Variants in PDE4D observed in about 807,000 individuals in gnomAD.
The protein encoded by PDE4D is phosphodiesterase 4D.
In PDE4D, 24 loss-of-function variants were observed where a neutral mutation model predicts 87.4. The observed-to-expected ratio is 0.27, with a 90% CI of 0.20 to 0.39. The LOEUF (loss-of-function observed/expected upper bound fraction) is 0.39, where lower values mean the gene tolerates loss of function less well. PDE4D is among the 10% of genes least tolerant of loss of function. The pLI is 1.00. For synonymous variants in PDE4D, 384 were observed against 383.2 expected (o/e 1.00, Z -0.02); for missense variants, 714 against 1,041.0 (o/e 0.69, Z 4.32).
In PDE4D at chr5:59,618,982, T is replaced by C. The variant is rs964407406; in HGVS notation, c.455+274186A>G. 8.5e-5 allele frequency among the ~76,000 whole-genome samples: 13 copies of C among 152,266 alleles called. No individual in the cohort carries two copies. In the East Asian group the frequency reaches 2.5e-3, roughly 29 times the overall value. On this transcript the variant is annotated intron_variant, in intron 1 of 14. Transcript: ENST00000340635. ...CCAGACTGTAAGAAATGAGTTTCTG[T>C]TCATTATAAATTACCCAGTTTTAGG...
intron 1 of PDE4D, among the ~76,000 whole-genome samples, chr5:60,275,310 T>G (rs1344854868): frequency 6.6e-6 from 1 of 152,168 alleles, no homozygotes. Context: ...AACTTAGCTA[T>G]CCTCTAACAC....
intron 1 of PDE4D, among the ~76,000 whole-genome samples, chr5:59,382,295 G>T (rs1190744347): frequency 6.6e-6 from 1 of 151,958 alleles, no homozygotes; most frequent in East Asian, 1.9e-4. Flanking sequence ...CAACCGAATG[G>T]GTGGTGAAAC....
At chr5:59,507,664 C>CAAAAAAAAAA (rs1284106865) in intron 1 of PDE4D, among the ~76,000 whole-genome samples, 8 of 79,660 alleles carry the variant, frequency 1.0e-4, no homozygotes, top group African/African-American at 1.0e-4. Context: ...TACCCTGTCT[C>CAAAAAAAAAA]AAAAAAAAAA....
intron 1 of PDE4D, chr5:60,459,914 CTTCA>C (rs1350112978): frequency 1.4e-6 from 1 of 692,034 alleles, no homozygotes; most frequent in South Asian, 1.7e-5. Context: ...TCACCTTCAT[CTTCA>C]TTGTCTTCTT....
rs974313485 is a variant in PDE4D at position 59,525,228 on chromosome 5, G to T, written c.456-309260C>A. 4.6e-5 allele frequency among the ~76,000 whole-genome samples: 7 copies of T among 152,312 alleles called. No homozygotes were observed. The South Asian group carries it at 1.5e-3, about 32-fold the overall frequency. On this transcript the variant is annotated intron_variant, in intron 1 of 14. Transcript: ENST00000340635. ...GGACTGTACCCTGAAAAACCACAGG[G>T]GTGGAGCTGCCAAAGTGGTGGGGAC...
chr5:60,035,419 A>G (rs2152863024), intron 2 of PDE4D, among the ~76,000 whole-genome samples: 1 of 152,298 alleles, frequency 6.6e-6, no homozygotes, highest in East Asian at 1.9e-4. Context: ...TTACAGATTA[A>G]AATTCAAAAG....
chr5:60,322,410 AC>A (rs1190661832), intron 1 of PDE4D, among the ~76,000 whole-genome samples: 8 of 133,712 alleles, frequency 6.0e-5, no homozygotes, highest in African/African-American at 2.0e-4. Flanking sequence ...ACACACACAC[AC>A]ACACAAAACC....
intron 1 of PDE4D, among the ~76,000 whole-genome samples, chr5:59,268,506 A>G (rs1251324826): frequency 2.6e-5 from 4 of 152,022 alleles, no homozygotes; most frequent in Admixed American, 1.3e-4. Flanking sequence ...CCCTTCCCAT[A>G]GGCACCAATC....
intron 1 of PDE4D, among the ~76,000 whole-genome samples, chr5:59,467,538 A>G (rs971560019): frequency 2.6e-5 from 4 of 152,212 alleles, no homozygotes; most frequent in African/African-American, 9.6e-5. Context: ...ATTTACTCAC[A>G]TTGGATAGAT....
chr5:59,058,320 A>G (rs1762640230), intron 5 of PDE4D, among the ~76,000 whole-genome samples: 2 of 152,102 alleles, frequency 1.3e-5, no homozygotes, highest in Non-Finnish European at 2.9e-5. Context: ...GTTCCAGGGG[A>G]GAGAAATCCC....
intron 4 of PDE4D, among the ~76,000 whole-genome samples, chr5:59,183,814 G>A (rs1419148595): frequency 6.6e-6 from 1 of 152,142 alleles, no homozygotes; most frequent in Non-Finnish European, 1.5e-5. Context: ...CCCTTTCAGC[G>A]AACAGGCCTT....
At chr5:60,086,942 A>C (rs1027871314) in intron 2 of PDE4D, among the ~76,000 whole-genome samples, 1 of 152,240 alleles carries the variant, frequency 6.6e-6, no homozygotes, top group Non-Finnish European at 1.5e-5. Flanking sequence ...ATTCAAGCAA[A>C]GGCCCAAATC....
At chr5:59,481,921 AT>A (rs1166144875) in intron 1 of PDE4D, among the ~76,000 whole-genome samples, 1 of 152,118 alleles carries the variant, frequency 6.6e-6, no homozygotes, top group Non-Finnish European at 1.5e-5. Context: ...CCAAAAAAAA[AT>A]CTTTGGCATA....
At chr5:59,059,470 C>T (rs1762820543) in intron 5 of PDE4D, among the ~76,000 whole-genome samples, 2 of 152,148 alleles carry the variant, frequency 1.3e-5, no homozygotes, top group Admixed American at 1.3e-4. Flanking sequence ...AGGACTCTCT[C>T]TACGACAAGG....
intron 1 of PDE4D, among the ~76,000 whole-genome samples, chr5:59,588,946 A>C (rs1389811590): frequency 6.6e-6 from 1 of 152,218 alleles, no homozygotes; most frequent in Non-Finnish European, 1.5e-5. Flanking sequence ...CAAGTAATTA[A>C]AATTTTGATA....
intron 1 of PDE4D, among the ~76,000 whole-genome samples, chr5:59,853,446 A>G (rs1744972854): frequency 6.6e-6 from 1 of 152,148 alleles, no homozygotes; most frequent in Non-Finnish European, 1.5e-5. Context: ...AGTGAAGAAT[A>G]TAAAATTTAT....
intron 5 of PDE4D, among the ~76,000 whole-genome samples, chr5:59,075,359 T>C (rs946220667): frequency 6.6e-6 from 1 of 152,318 alleles, no homozygotes; most frequent in Admixed American, 6.5e-5. Flanking sequence ...TAATTTCTTG[T>C]CTTGTTTTAG....
intron 1 of PDE4D, among the ~76,000 whole-genome samples, chr5:59,443,906 A>T (rs944762372): frequency 1.3e-5 from 2 of 152,020 alleles, no homozygotes; most frequent in Non-Finnish European, 2.9e-5. Flanking sequence ...TCATATGGAA[A>T]TTTTTTTAAA....
chr5:59,206,792 T>C (rs1181279703), intron 2 of PDE4D, among the ~76,000 whole-genome samples: 1 of 152,156 alleles, frequency 6.6e-6, no homozygotes, highest in Non-Finnish European at 1.5e-5. Context: ...ATACACACCT[T>C]TATTTAGAAT....
Sources: allele counts gnomAD v4.1 joint callset (sites outside exome capture counted in the v4.1 genomes callset), GRCh38; gene constraint gnomAD v4.1.1; transcripts MANE v1.5; gene names NCBI Gene and HGNC (gene_info 2026-07-23, HGNC 2026-07-21).